Variants in SEPTIN12 observed in about 807,000 individuals in gnomAD.
SEPTIN12 encodes the protein septin 12.
SEPTIN12 carries 42 observed loss-of-function variants against 37.7 expected under a neutral mutation model. The ratio of observed to expected loss-of-function variants is 1.11; its 90% CI spans 0.87 to 1.44. The LOEUF (loss-of-function observed/expected upper bound fraction) is 1.44. Among genes scored for constraint, SEPTIN12 ranks in the 40% most tolerant of loss-of-function variants. The pLI, the probability that SEPTIN12 is intolerant of heterozygous loss-of-function variation, is 0.00. For missense variants in SEPTIN12, 613 were observed against 479.2 expected, an observed-to-expected ratio of 1.28 and a Z score of -2.61; for synonymous variants, 254 against 196.7, an observed-to-expected ratio of 1.29 and a Z score of -2.44.
chr16:4,785,823 T>C lies in SEPTIN12; in HGVS notation c.358A>G (p.Ile120Val), dbSNP rs1056789597. Residue 120 changes from isoleucine to valine, a missense_variant, in exon 4 of 10, where the codon ATC becomes GTC. Coordinates refer to ENST00000268231, the MANE Select transcript of SEPTIN12 (RefSeq NM_144605.5). ...AGAACCTACCAGTTGTCATTGTTGA[T>C]CTGGTCCCCGAAGCCGGGCGTGTCC... ...VTDTPGFGDQINNDNCWDPIL... is the reference protein window; with the variant it reads ...VTDTPGFGDQVNNDNCWDPIL... The C allele has an allele frequency of 6.2e-6, 10 of 1,609,462 alleles. No individual in the cohort carries two copies. Among genetic ancestry groups the C allele is most frequent in the Non-Finnish European group, 8.5e-6 (10 of 1,177,724 alleles).
chr16:4,788,524 C>G (rs1020796546), upstream of SEPTIN12: 2 of 152,158 alleles, frequency 1.3e-5, no homozygotes, highest in Non-Finnish European at 2.9e-5. Context: ...GGCCCAAGGC[C>G]CCCTCGTCAG....
At position 4,777,899 on chromosome 16, in the gene SEPTIN12, G is replaced by T; in HGVS notation, c.975C>A (p.Pro325=). The T allele has an allele frequency of 6.3e-7, 1 of 1,599,958 alleles. No individual in the cohort carries two copies. The highest frequency in any genetic ancestry group is 8.5e-7 in the Non-Finnish European group (1 of 1,173,864). ...AGGCCGGGGCCAGGTTCACCCAGCC[G>T]GGCCCGCGGGGCAGCAGGTGGCTTT... The part of the protein sequence containing the change: ...LNESHLLPRG[P]GWVNLAPASP... The change falls in exon 10 of 10, where the codon CCC becomes CCA. Residue 325 remains proline, a synonymous_variant. Transcript: ENST00000268231.
At chr16:4,783,329 G>T in intron 7 of SEPTIN12, 133 bp downstream of exon 7, 1 of 734,340 alleles carries the variant, frequency 1.4e-6, no homozygotes. Flanking sequence ...TGAGCTTGTG[G>T]ATGAGTAGAG....
Position 4,777,647 on chromosome 16 carries a change from A to G in SEPTIN12, c.*150T>C. 1.5e-6 allele frequency: 1 copy of G among 645,710 alleles called. No individual in the cohort carries two copies. The highest frequency in any genetic ancestry group is 2.8e-5 in the East Asian group (1 of 35,670). The allele number at this position is 645,710 out of a possible 1,614,324, so 40.0% of individuals were successfully genotyped here. ...AGCCTTTTTATTTGTGGATAGCTCA[A>G]AGAAGTCATTTACAAAATGCCTTTT... On this transcript the variant is annotated 3_prime_UTR_variant, in exon 10 of 10. Coordinates refer to ENST00000268231, the MANE Select transcript of SEPTIN12 (RefSeq NM_144605.5).
chr16:4,788,733 C>A (rs1177810413), upstream of SEPTIN12: 2 of 152,142 alleles, frequency 1.3e-5, no homozygotes, highest in African/African-American at 4.8e-5. Context: ...TTCTAGGAGC[C>A]CAAAGATGTT....
chr16:4,779,631 G>T, intron 8 of SEPTIN12, 59 bp downstream of exon 8: 1 of 1,058,492 alleles, frequency 9.4e-7, no homozygotes, highest in Non-Finnish European at 1.5e-6. Context: ...GGTTGCCCAA[G>T]GCTGCTCTGG....
At chr16:4,784,872 G>A (rs957684513) in intron 4 of SEPTIN12, among the ~76,000 whole-genome samples, 2 of 152,210 alleles carry the variant, frequency 1.3e-5, no homozygotes, top group Non-Finnish European at 2.9e-5. Flanking sequence ...TGCTTTGGGA[G>A]GCTGAAGCAA....
Position 4,779,764 on chromosome 16 carries a change from AC to A in SEPTIN12, c.748del (p.Val250Ter). On this transcript the variant is annotated frameshift_variant, in exon 8 of 10. Transcript: ENST00000268231. LOFTEE classifies it high-confidence loss of function. ...CACCAGGTGCTCTTGGTCAGCCCCT[AC>A]CACGGCAAAAGGGATTCGGTCCTGG... Reference protein sequence around the residue: ...KLRDRIPFAVVGADQEHLVNG... With the variant: ...KLRDRIPFAVXGADQEHLVNG... The A allele has an allele frequency of 6.2e-7, 1 of 1,613,156 alleles. No individual in the cohort carries two copies.
upstream of SEPTIN12, among the ~76,000 whole-genome samples, chr16:4,790,969 G>A (rs1027281757): frequency 6.6e-6 from 1 of 152,176 alleles, no homozygotes; most frequent in Non-Finnish European, 1.5e-5. Context: ...GATTCAGCAC[G>A]GGGGCCTCTC....
intron 1 of SEPTIN12, 172 bp from the exon 2 acceptor site, chr16:4,787,839 G>T: frequency 1.7e-6 from 1 of 579,610 alleles, no homozygotes; most frequent in South Asian, 2.1e-5. Flanking sequence ...AAGGGTGCCT[G>T]TGGGGAGCTG....
intron 7 of SEPTIN12, among the ~76,000 whole-genome samples, chr16:4,782,404 G>A (rs2082382200): frequency 6.6e-6 from 1 of 152,188 alleles, no homozygotes; most frequent in Admixed American, 6.6e-5. Context: ...TAATGCTGCT[G>A]TGAACATTCA....
intron 2 of SEPTIN12, 96 bp downstream of exon 2, chr16:4,787,384 T>C (rs2082472273): frequency 4.6e-6 from 5 of 1,092,778 alleles, no homozygotes; most frequent in East Asian, 2.3e-5. Flanking sequence ...ACCTAAGAGA[T>C]GGGGAGGGGC....
rs1278878581 is a variant in SEPTIN12 at position 4,778,084 on chromosome 16, A to C, written c.875+2T>G. 1 of 1,613,912 alleles carries C rather than the reference A, an allele frequency of 6.2e-7. No homozygotes were observed. Among genetic ancestry groups the C allele is most frequent in the African/African-American group, 1.3e-5 (1 of 74,968 alleles). ...CTAGCCCCAGGCTCCCCACACCCTC[A>C]CCGGATAAGCAGGTCTCTCAGGAGA... is the stretch of plus-strand genomic sequence containing the variant. On this transcript the variant is annotated splice_donor_variant, in intron 9 of 9. Coordinates refer to ENST00000268231, the MANE Select transcript of SEPTIN12 (RefSeq NM_144605.5). LOFTEE classifies it high-confidence loss of function.
rs2082334410 is a variant in SEPTIN12, at chr16:4,778,153, C to A, written c.824-16G>T. ...ATGTTCTCCACTGCAAGACATGGGA[C>A]TCAGTATGGGCGCTGCTTAGTGAGC... On this transcript the variant is annotated splice_polypyrimidine_tract_variant and intron_variant, in intron 8 of 9. Transcript: ENST00000268231. 3 of 1,614,114 alleles carry A rather than the reference C, an allele frequency of 1.9e-6. No individual in the cohort carries two copies. Among genetic ancestry groups the A allele is most frequent in the Non-Finnish European group, 2.5e-6 (3 of 1,179,960 alleles).
chr16:4,787,480 C>T lies in SEPTIN12; in HGVS notation c.166G>A (p.Gly56Arg). The change falls in exon 2 of 10, where the codon GGG becomes AGG. Residue 56 changes from glycine (G) to arginine (R), a missense_variant and splice_region_variant. By Grantham distance (125) the Gly-to-Arg change is moderately radical. Transcript: ENST00000268231. The stretch of plus-strand genomic sequence containing the variant: ...GCCGTGGGCCCTACCTCTCACTCAC[C>T]CACCACCATGATGTTGAACTCAAAC... The part of the protein sequence containing the change: ...MGFEFNIMVV[G>R]QSGLGKSTMV... 1 of 1,612,492 alleles carries T rather than the reference C, an allele frequency of 6.2e-7. No individual in the cohort carries two copies. Among genetic ancestry groups the T allele is most frequent in the Non-Finnish European group, 8.5e-7 (1 of 1,179,928 alleles).
At chr16:4,781,370 A>G (rs1224417435) in intron 7 of SEPTIN12, among the ~76,000 whole-genome samples, 2 of 151,990 alleles carry the variant, frequency 1.3e-5, no homozygotes, top group African/African-American at 4.8e-5. Context: ...TGCAACCATC[A>G]TCGCAATCTA....
chr16:4,783,662 G>A lies in SEPTIN12; in HGVS notation c.617C>T (p.Ala206Val). The A allele has an allele frequency of 1.2e-6, 2 of 1,613,922 alleles. No individual in the cohort carries two copies. Among genetic ancestry groups the A allele is most frequent in the East Asian group, 2.2e-5 (1 of 44,876 alleles). The stretch of plus-strand genomic sequence containing the variant: ...CATCCAGATCACCCTGCGCCTGAAG[G>A]CCTCTCGCTCCTCCATGGTCAGGCT... ...ADSLTMEEREAFRRRIQQNLR... is the reference protein window; with the variant it reads ...ADSLTMEEREVFRRRIQQNLR... The change falls in exon 6 of 10, where the codon GCC becomes GTC. Residue 206 changes from alanine (A) to valine (V), a missense_variant. Ala to Val is a moderately conservative substitution (Grantham distance 64). Transcript: ENST00000268231.
At position 4,778,210 on chromosome 16, in the gene SEPTIN12, G is replaced by T; in HGVS notation, c.824-73C>A. 2.1e-6 allele frequency: 3 copies of T among 1,461,660 alleles called. No homozygotes were observed. In the South Asian group the frequency reaches 3.4e-5, roughly 17 times the overall value. 90.5% of individuals were successfully genotyped at this position (1,461,660 alleles called of 1,614,324 possible). A position where few individuals can be genotyped will look rare whatever the true frequency, so the allele number is the denominator to read the frequency against. On this transcript the variant is annotated intron_variant, in intron 8 of 9. Transcript: ENST00000268231. ...TAAGTGCCTACTGTATGCACCACCT[G>T]ACACCATTTCCCTTAGCCCTTTTCC...
intron 8 of SEPTIN12, among the ~76,000 whole-genome samples, chr16:4,779,285 C>G (rs1445628955): frequency 6.6e-6 from 1 of 152,220 alleles, no homozygotes; most frequent in Admixed American, 6.6e-5. Flanking sequence ...CTGTCCTTGT[C>G]CTGTCAGCTC....
Sources: allele counts gnomAD v4.1 joint callset (sites outside exome capture counted in the v4.1 genomes callset), GRCh38; gene constraint gnomAD v4.1.1; transcripts MANE v1.5; gene names NCBI Gene and HGNC (gene_info 2026-07-23, HGNC 2026-07-21).